CSF2RA: variants seen among roughly 807,000 people sequenced by gnomAD.
The protein encoded by CSF2RA is colony stimulating factor 2 receptor subunit alpha.
A neutral mutation model predicts 51.6 loss-of-function variants in CSF2RA; 42 were observed. The ratio of observed to expected loss-of-function variants is 0.81; its 90% CI spans 0.64 to 1.05. The LOEUF (loss-of-function observed/expected upper bound fraction) is 1.05, where lower values mean the gene tolerates loss of function less well. Among genes scored for constraint, CSF2RA ranks in the 50% least tolerant of loss-of-function variants. CSF2RA has a pLI of 0.00. For missense variants in CSF2RA, 530 were observed against 501.1 expected (o/e 1.06, Z -0.55); for synonymous variants, 222 against 193.0 (o/e 1.15, Z -1.24).
At chrX:1,322,230 C>T in the CSF2RA span, among the ~76,000 whole-genome samples, 4 of 151,254 alleles carry the variant, frequency 2.6e-5, no homozygotes, top group African/African-American at 4.9e-5. Flanking sequence ...CTCAGCCTCC[C>T]GAGTAGCTGG....
chrX:1,276,189 GT>G (rs1329488102), intron 2 of CSF2RA, among the ~76,000 whole-genome samples: 6 of 149,912 alleles, frequency 4.0e-5, no homozygotes, highest in Admixed American at 3.4e-4. Context: ...TTGTTTGTTT[GT>G]TTGTTTGTTT....
At position 1,309,463 on chromosome X, in the gene CSF2RA, T is replaced by G; in HGVS notation, c.1187T>G (p.Val396Gly). Residue 396 changes from valine (V) to glycine (G), a missense_variant, in exon 13 of 13, where the codon GTG becomes GGG. By Grantham distance (109) the Val-to-Gly change is moderately radical (BLOSUM62 -3). Transcript: ENST00000381529. ...GGCTACCGCGAAGAGGTCTTGACCG[T>G]GAAGGAAATTACCTGAGACCCAGAG... ...GKGYREEVLT[V>G]KEIT The G allele has an allele frequency of 6.2e-7, 1 of 1,613,968 alleles. No individual in the cohort carries two copies. The highest frequency in any genetic ancestry group is 8.5e-7 in the Non-Finnish European group (1 of 1,179,848).
chrX:1,324,522 A>AAGGG, the CSF2RA span, among the ~76,000 whole-genome samples: 3 of 121,474 alleles, frequency 2.5e-5, no homozygotes, highest in South Asian at 1.0e-3. Context: ...GGAAAGAAGG[A>AAGGG]AGGGAGGGAG....
At position 1,291,157 on chromosome X, in the gene CSF2RA, G is replaced by A. The variant is rs1335895931; in HGVS notation, c.646+648G>A. On this transcript the variant is annotated intron_variant, in intron 7 of 12. Coordinates refer to ENST00000381529, the MANE Select transcript of CSF2RA (RefSeq NM_172245.4). ...GGCTAGTCTCGAACTCCTGACCTCAGATGATCCACCTGCCTCAGCCTCCCA... is the reference window on the plus strand; with the variant it reads ...GGCTAGTCTCGAACTCCTGACCTCAAATGATCCACCTGCCTCAGCCTCCCA... 5.3e-5 allele frequency among the ~76,000 whole-genome samples: 8 copies of A among 152,122 alleles called. No homozygotes were observed. In the East Asian group the frequency reaches 1.6e-3, roughly 30 times the overall value.
chrX:1,316,224 G>C, the CSF2RA span, among the ~76,000 whole-genome samples: 2 of 73,208 alleles, frequency 2.7e-5, no homozygotes, highest in Non-Finnish European at 7.2e-5. Flanking sequence ...TAGGTAGATA[G>C]ATAGATGATA....
intron 9 of CSF2RA, 189 bp downstream of exon 9, chrX:1,295,645 C>A: frequency 1.4e-6 from 1 of 721,346 alleles, no homozygotes. Flanking sequence ...CTACTCATGA[C>A]CCCTACAGTC....
At chrX:1,318,655 C>T in the CSF2RA span, among the ~76,000 whole-genome samples, 5 of 151,550 alleles carry the variant, frequency 3.3e-5, no homozygotes, top group Admixed American at 6.6e-5. Context: ...CGGTGGCTCA[C>T]GCCTGTAATC....
chrX:1,277,593 C>CAAAAAAAA (rs749833246), intron 2 of CSF2RA, among the ~76,000 whole-genome samples: 2 of 70,438 alleles, frequency 2.8e-5, no homozygotes, highest in Non-Finnish European at 4.9e-5. Context: ...AAGTCCATCT[C>CAAAAAAAA]AAAAAAAAAA....
At chrX:1,314,338 C>G (rs36040963), downstream of CSF2RA, among the ~76,000 whole-genome samples, 26,934 of 64,334 alleles carry the variant, frequency 0.42, 4,707 homozygotes, top group East Asian at 0.44. Context: ...CTGCCCAACC[C>G]CACTGCGCCT....
intron 9 of CSF2RA, among the ~76,000 whole-genome samples, chrX:1,296,073 G>A (rs749130116): frequency 2.4e-4 from 36 of 147,130 alleles, no homozygotes; most frequent in African/African-American, 8.6e-4. Context: ...CCCTACCCAT[G>A]AGCCCTGGCA....
At chrX:1,288,102 A>T (rs28576418) in intron 4 of CSF2RA, among the ~76,000 whole-genome samples, 39 of 151,886 alleles carry the variant, frequency 2.6e-4, no homozygotes, top group Admixed American at 1.3e-3. Context: ...GCTGGTATTC[A>T]GCGTATCCAC....
At chrX:1,319,284 CCA>C in the CSF2RA span, among the ~76,000 whole-genome samples, 4 of 149,252 alleles carry the variant, frequency 2.7e-5, no homozygotes, top group Non-Finnish European at 6.0e-5. Flanking sequence ...ACATGAGCCA[CCA>C]TGCCCGGCCT....
At chrX:1,308,973 A>G (rs2083952180) in intron 12 of CSF2RA, among the ~76,000 whole-genome samples, 3 of 152,182 alleles carry the variant, frequency 2.0e-5, no homozygotes, top group Non-Finnish European at 4.4e-5. Flanking sequence ...CATGCCTGTC[A>G]TCCCAGCACT....
intron 3 of CSF2RA, 143 bp from the exon 4 acceptor site, chrX:1,285,633 TGC>T: frequency 4.3e-5 from 2 of 46,372 alleles, no homozygotes; most frequent in Non-Finnish European, 5.4e-5. Context: ...TGGTGGAGCT[TGC>T]AGCTTGCAGT....
downstream of CSF2RA, among the ~76,000 whole-genome samples, chrX:1,314,287 CATCTGCCCAACCACTCTGT>C (rs1273765845): frequency 4.0e-5 from 3 of 74,408 alleles, no homozygotes; most frequent in East Asian, 5.3e-4. Context: ...AACCCCACTG[CATCTGCCCAACCACTCTGT>C]GCCTGCCCAA....
intron 9 of CSF2RA, among the ~76,000 whole-genome samples, chrX:1,299,488 G>A (rs1243630778): frequency 2.6e-5 from 4 of 152,078 alleles, no homozygotes; most frequent in African/African-American, 7.2e-5. Context: ...GCAGTGGTGC[G>A]ATCTCGGCTC....
intron 1 of CSF2RA, 145 bp downstream of exon 1, chrX:1,269,024 C>T (rs2087975447): frequency 7.8e-6 from 3 of 382,430 alleles, no homozygotes; most frequent in South Asian, 1.9e-5. Flanking sequence ...GTGGGGACAG[C>T]GGCCCAGAAG....
chrX:1,283,716 T>G (rs1375291435), intron 3 of CSF2RA, among the ~76,000 whole-genome samples: 1 of 151,706 alleles, frequency 6.6e-6, no homozygotes. Flanking sequence ...TACAGGCGCC[T>G]GCCACCAGGC....
rs770090912 is a variant in CSF2RA at position 1,301,317 on chromosome X, G to A, written c.946+691G>A. On this transcript the variant is annotated intron_variant, in intron 10 of 12. Coordinates refer to ENST00000381529, the MANE Select transcript of CSF2RA (RefSeq NM_172245.4). ...ATTGCACTCCAGCCTGGGTGACAGA[G>A]TGAGACTCTGTCTCAAAAAAAAAAA... 1.5e-4 allele frequency among the ~76,000 whole-genome samples: 18 copies of A among 119,718 alleles called. No individual in the cohort carries two copies. The South Asian group carries it at 5.8e-3, about 38-fold the overall frequency. 78.5% of individuals were successfully genotyped at this position (119,718 alleles called of 152,430 possible). A position where few individuals can be genotyped will look rare whatever the true frequency, so the allele number is the denominator to read the frequency against.
Sources: gnomAD v4.1 joint callset for allele counts (sites outside exome capture counted in the v4.1 genomes callset) on GRCh38, gnomAD v4.1.1 for gene constraint, MANE v1.5 for transcripts, NCBI Gene and HGNC (gene_info 2026-07-23, HGNC 2026-07-21) for gene names.